RASA3: variants seen among roughly 807,000 people sequenced by gnomAD.
RASA3 encodes RAS p21 protein activator 3.
A neutral mutation model predicts 110.0 loss-of-function variants in RASA3; 73 were observed. That is an observed-to-expected ratio of 0.66 (90% CI 0.55 to 0.81). The LOEUF is 0.81. Among genes scored for constraint, RASA3 ranks in the 30% least tolerant of loss-of-function variants. RASA3 has a pLI of 0.00. For synonymous variants in RASA3, 500 were observed against 451.4 expected (o/e 1.11, Z -1.37); for missense variants, 976 against 1,113.2 (o/e 0.88, Z 1.75).
In RASA3 at chr13:114,024,349, G is replaced by A. The variant is rs778161161; in HGVS notation, c.610C>T (p.Arg204Trp). The change falls in exon 8 of 24, where the codon CGG becomes TGG. Residue 204 changes from arginine (R) to tryptophan (W), a missense_variant. Around this residue, in one of 4 missense-constraint regions of RASA3, gnomAD observed 732 missense variants for 779.7 expected, o/e 0.94. Coordinates refer to ENST00000334062, the MANE Select transcript of RASA3 (RefSeq NM_007368.4). ...GACTTCTTGCTGTAGCTACAGGGCCGGGTCACCTGGAGTCAGACGAGAGAG... is the reference window on the plus strand; with the variant it reads ...GACTTCTTGCTGTAGCTACAGGGCCAGGTCACCTGGAGTCAGACGAGAGAG... ...FDEVFYFEVT[R>W]PCSYSKKSHF... 7.4e-6 allele frequency: 12 copies of A among 1,613,482 alleles called. No homozygotes were observed. Among genetic ancestry groups the A allele is most frequent in the African/African-American group, 2.7e-5 (2 of 74,906 alleles).
chr13:114,078,250 G>A (rs185207541), intron 1 of RASA3, among the ~76,000 whole-genome samples: 1 of 152,276 alleles, frequency 6.6e-6, no homozygotes, highest in Non-Finnish European at 1.5e-5. Flanking sequence ...CTTCTCCACC[G>A]CACCCCAAAC....
intron 1 of RASA3, among the ~76,000 whole-genome samples, chr13:114,130,004 G>A (rs531864289): frequency 6.6e-6 from 1 of 152,370 alleles, no homozygotes; most frequent in African/African-American, 2.4e-5. Flanking sequence ...GAAAGAGCCT[G>A]AGGGGCTCAG....
At chr13:114,118,426 G>C (rs1025005324) in intron 1 of RASA3, among the ~76,000 whole-genome samples, 4 of 152,044 alleles carry the variant, frequency 2.6e-5, no homozygotes, top group Non-Finnish European at 5.9e-5. Flanking sequence ...AAAAGCTTTT[G>C]CCTTGCCGTT....
intron 18 of RASA3, among the ~76,000 whole-genome samples, chr13:114,005,714 G>C (rs891098508): frequency 6.6e-6 from 1 of 151,792 alleles, no homozygotes; most frequent in Non-Finnish European, 1.5e-5. Context: ...TGGGTGCTCT[G>C]GGGACTGGGG....
chr13:114,030,690 G>A (rs1452679950), intron 4 of RASA3, among the ~76,000 whole-genome samples: 1 of 152,242 alleles, frequency 6.6e-6, no homozygotes, highest in Admixed American at 6.5e-5. Flanking sequence ...GGCTGTGGGT[G>A]TGTGTCCACC....
intron 22 of RASA3, among the ~76,000 whole-genome samples, chr13:113,984,513 T>C (rs1456132840): frequency 0.022 from 184 of 8,432 alleles, no homozygotes; most frequent in African/African-American, 0.037. Flanking sequence ...ATCCACCCAT[T>C]ACTCACCCAT....
In RASA3 at chr13:114,073,749, G is replaced by A; in HGVS notation, c.144C>T (p.Phe48=). 2.5e-6 allele frequency: 4 copies of A among 1,614,190 alleles called. No individual in the cohort carries two copies. Among genetic ancestry groups the A allele is most frequent in the South Asian group, 2.2e-5 (2 of 91,084 alleles). Residue 48 remains phenylalanine, a synonymous_variant, in exon 2 of 24, where the codon TTC becomes TTT. Coordinates refer to ENST00000334062, the MANE Select transcript of RASA3 (RefSeq NM_007368.4). The part of the protein sequence containing the change: ...CTVNLDQEEV[F]RTKIVEKSLC... The stretch of plus-strand genomic sequence containing the variant: ...GTGACTTTTCCACAATTTTGGTCCT[G>A]AAAACCTCCTCCTGGTCCAGGTTCA...
intron 1 of RASA3, among the ~76,000 whole-genome samples, chr13:114,106,128 G>A (rs758050749): frequency 4.6e-5 from 7 of 152,190 alleles, no homozygotes; most frequent in Non-Finnish European, 1.0e-4. Context: ...AGCGGCACAC[G>A]GCCTCTGCTG....
chr13:113,989,424 C>A (rs1244645070), intron 22 of RASA3, among the ~76,000 whole-genome samples: 1 of 150,166 alleles, frequency 6.7e-6, no homozygotes, highest in African/African-American at 2.5e-5. Context: ...CTTCCATCCA[C>A]CCATCTCTCA....
intron 2 of RASA3, among the ~76,000 whole-genome samples, chr13:114,060,960 C>T (rs1479039473): frequency 6.6e-6 from 1 of 151,218 alleles, no homozygotes; most frequent in Middle Eastern, 3.2e-3. Flanking sequence ...CCCCCACAGC[C>T]GGCAGATGGA....
chr13:114,077,745 C>T (rs1210584817), intron 1 of RASA3: 4 of 924,626 alleles, frequency 4.3e-6, no homozygotes, highest in Admixed American at 1.2e-4. Context: ...GATGCCCAGT[C>T]CCCTGGCCCC....
At chr13:114,043,838 C>CT (rs1288756324) in intron 3 of RASA3, among the ~76,000 whole-genome samples, 30 of 19,892 alleles carry the variant, frequency 1.5e-3, no homozygotes, top group African/African-American at 2.6e-3. Flanking sequence ...ACTCGCTGAG[C>CT]CCCCCGCCCC....
At position 113,981,859 on chromosome 13, in the gene RASA3, C is replaced by T; in HGVS notation, c.2246-1G>A. On this transcript the variant is annotated splice_acceptor_variant, in intron 22 of 23. Transcript: ENST00000334062. LOFTEE classifies it high-confidence loss of function. ...TACACAGATTTGCTCCCACAGGCCT[C>T]TGTGGAGGGCGGAGGGGTCAGCGCA... The T allele has an allele frequency of 6.2e-7, 1 of 1,613,270 alleles. No homozygotes were observed. Among genetic ancestry groups the T allele is most frequent in the Non-Finnish European group, 8.5e-7 (1 of 1,179,730 alleles).
chr13:114,111,224 C>G (rs78617582), intron 1 of RASA3, among the ~76,000 whole-genome samples: 2,356 of 9,558 alleles, frequency 0.25, 302 homozygotes, highest in Middle Eastern at 0.5. Flanking sequence ...AGCCTCAAAC[C>G]AGCTGCAGGC....
At chr13:114,127,753 G>GA (rs1042375230) in intron 1 of RASA3, among the ~76,000 whole-genome samples, 9 of 151,654 alleles carry the variant, frequency 5.9e-5, no homozygotes, top group South Asian at 4.2e-4. Flanking sequence ...CAGTCTCAAA[G>GA]AAAAAAAAAT....
intron 3 of RASA3, among the ~76,000 whole-genome samples, chr13:114,051,022 C>T (rs1050761762): frequency 5.3e-5 from 8 of 152,350 alleles, no homozygotes; most frequent in Middle Eastern, 3.4e-3. Flanking sequence ...GGCCGTGACA[C>T]GGTGTGAGGA....
At chr13:114,044,587 C>G in intron 3 of RASA3, among the ~76,000 whole-genome samples, 1 of 132,592 alleles carries the variant, frequency 7.5e-6, no homozygotes, top group South Asian at 2.7e-4. Context: ...TTCAAGGGTC[C>G]GGAGTGGGGG....
In RASA3 at chr13:114,056,997, G is replaced by A. The variant is rs1241248222; in HGVS notation, c.174-4842C>T. 1.3e-5 allele frequency among the ~76,000 whole-genome samples: 2 copies of A among 152,132 alleles called. No individual in the cohort carries two copies. Among genetic ancestry groups the A allele is most frequent in the African/African-American group, 4.8e-5 (2 of 41,442 alleles). On this transcript the variant is annotated intron_variant, in intron 2 of 23. Coordinates refer to ENST00000334062, the MANE Select transcript of RASA3 (RefSeq NM_007368.4). This position sits in a 1 kb window ranked among gnomAD's most constrained non-coding sequence, Gnocchi z 5.7. Reference sequence around the variant, plus strand: ...GCCCCCCCTGCTAAGAGGAGCTGTTGTCCTTGGGAACCACGGGTCCCCCCT... The same window carrying A: ...GCCCCCCCTGCTAAGAGGAGCTGTTATCCTTGGGAACCACGGGTCCCCCCT...
chr13:114,036,009 C>T (rs532462771), intron 4 of RASA3: 2 of 152,382 alleles, frequency 1.3e-5, no homozygotes, highest in South Asian at 4.1e-4. Flanking sequence ...ATGGCAGACC[C>T]AGGGGTTTGC....
Sources: allele counts gnomAD v4.1 joint callset (sites outside exome capture counted in the v4.1 genomes callset), GRCh38; gene constraint gnomAD v4.1.1; regional missense constraint gnomAD v4.1.1; non-coding constraint Gnocchi (gnomAD v3.1); transcripts MANE v1.5; gene names NCBI Gene and HGNC (gene_info 2026-07-23, HGNC 2026-07-21).